TNRC6B: variants seen among roughly 807,000 people sequenced by gnomAD.
TNRC6B encodes trinucleotide repeat-containing gene 6B protein.
In TNRC6B, 52 loss-of-function variants were observed where a neutral mutation model predicts 203.6. The observed-to-expected ratio is 0.26, with a 90% CI of 0.20 to 0.32. The LOEUF is 0.32. TNRC6B is among the 10% of genes least tolerant of loss of function. The pLI is 1.00. For synonymous variants in TNRC6B, 838 were observed against 845.7 expected (o/e 0.99, Z 0.16); for missense variants, 1,923 against 2,286.2 (o/e 0.84, Z 3.24).
chr22:40,079,417 A>G lies in TNRC6B; in HGVS notation c.-121+34419A>G, dbSNP rs988917290. On this transcript the variant is annotated intron_variant, in intron 1 of 23. Coordinates refer to the TNRC6B transcript ENST00000301923. Reference sequence around the variant, plus strand: ...GAATGTAATGACCTGAATGTTGGTAAGCAAGCCCACATTAGTCTGCCACCA... The same window carrying G: ...GAATGTAATGACCTGAATGTTGGTAGGCAAGCCCACATTAGTCTGCCACCA... Among the ~76,000 whole-genome samples, 4 of 152,270 alleles carry G rather than the reference A, an allele frequency of 2.6e-5. No individual in the cohort carries two copies. In the East Asian group the frequency reaches 5.8e-4, roughly 22 times the overall value.
intron 1 of TNRC6B, among the ~76,000 whole-genome samples, chr22:40,073,749 A>C (rs2067976883): frequency 6.6e-6 from 1 of 151,996 alleles, no homozygotes; most frequent in Non-Finnish European, 1.5e-5. Context: ...CTTCATCTCT[A>C]CTAAAAATAC....
At chr22:40,272,461 C>T (rs2070577523) in intron 6 of TNRC6B, among the ~76,000 whole-genome samples, 1 of 152,220 alleles carries the variant, frequency 6.6e-6, no homozygotes, top group Non-Finnish European at 1.5e-5. Context: ...TTAAACTCTT[C>T]ATATAAAGCT....
intron 4 of TNRC6B, among the ~76,000 whole-genome samples, chr22:40,159,051 C>T (rs1379977104): frequency 1.3e-5 from 2 of 151,784 alleles, no homozygotes; most frequent in Non-Finnish European, 2.9e-5. Flanking sequence ...CAAGCTCCGC[C>T]TCCCGGGTTC....
At chr22:40,237,901 A>G (rs972333919) in intron 1 of TNRC6B, among the ~76,000 whole-genome samples, 5 of 151,738 alleles carry the variant, frequency 3.3e-5, no homozygotes, top group African/African-American at 1.2e-4. Context: ...TCTCCCATCT[A>G]GAATGTCAGC....
At chr22:40,108,240 G>A (rs1346124593) in intron 1 of TNRC6B, among the ~76,000 whole-genome samples, 1 of 152,170 alleles carries the variant, frequency 6.6e-6, no homozygotes, top group Non-Finnish European at 1.5e-5. Context: ...TCTAGAGAAT[G>A]TTGCCCAGGG....
At chr22:40,270,477 G>C (rs541391959) in intron 6 of TNRC6B, among the ~76,000 whole-genome samples, 197 bp downstream of exon 6, 1 of 151,822 alleles carries the variant, frequency 6.6e-6, no homozygotes. Flanking sequence ...CCGCCACCAC[G>C]CCCGGCTAAT....
At chr22:40,299,375 G>T (rs182881679) in intron 12 of TNRC6B, among the ~76,000 whole-genome samples, 53 of 152,162 alleles carry the variant, frequency 3.5e-4, no homozygotes, top group South Asian at 2.3e-3. Flanking sequence ...TAGTAGCTGG[G>T]ATTACAGGCA....
intron 1 of TNRC6B, among the ~76,000 whole-genome samples, chr22:40,100,067 ATTATTTATTTATTTATTTATTTAT>A (rs34836211): frequency 3.6e-5 from 4 of 112,026 alleles, no homozygotes; most frequent in Non-Finnish European, 7.7e-5. Context: ...TTTTATTTTT[ATTATTTATTTATTTATTTATTTAT>A]TTATTTATTT....
At chr22:40,249,939 G>A (rs545044439) in intron 2 of TNRC6B, among the ~76,000 whole-genome samples, 3 of 152,226 alleles carry the variant, frequency 2.0e-5, no homozygotes, top group Admixed American at 6.5e-5. Flanking sequence ...TTCTACAGGC[G>A]GATCCTTTAA....
chr22:40,153,593 T>C (rs2068781178), intron 3 of TNRC6B, among the ~76,000 whole-genome samples: 1 of 151,708 alleles, frequency 6.6e-6, no homozygotes, highest in Non-Finnish European at 1.5e-5. Context: ...TGGTAATTAT[T>C]AGTTCCAGGG....
At chr22:40,145,013 C>G (rs951471232) in intron 3 of TNRC6B, among the ~76,000 whole-genome samples, 3 of 146,882 alleles carry the variant, frequency 2.0e-5, no homozygotes, top group African/African-American at 7.7e-5. Flanking sequence ...TGGAGGATCA[C>G]TTCAGCCCAG....
chr22:40,281,379 G>A (rs1319346308), intron 11 of TNRC6B, 90 bp downstream of exon 11: 1 of 1,132,136 alleles, frequency 8.8e-7, no homozygotes, highest in Non-Finnish European at 1.2e-6. Flanking sequence ...TCTGTCTTGG[G>A]AAATTTGTTG....
At chr22:40,174,200 A>G (rs1445588406), upstream of TNRC6B, among the ~76,000 whole-genome samples, 2 of 147,132 alleles carry the variant, frequency 1.4e-5, no homozygotes, top group Non-Finnish European at 3.0e-5. Flanking sequence ...GTTTTGCTCT[A>G]TTGCCCCAGC....
chr22:40,125,881 G>T, intron 3 of TNRC6B: 1 of 1,607,760 alleles, frequency 6.2e-7, no homozygotes. Flanking sequence ...ATTACTGAAA[G>T]GTACAGTTTG....
chr22:40,204,829 T>TA (rs1181018611), intron 1 of TNRC6B, among the ~76,000 whole-genome samples: 3 of 152,232 alleles, frequency 2.0e-5, no homozygotes, highest in African/African-American at 7.2e-5. Context: ...ACTTGGTTTT[T>TA]ATAGTGATAC....
intron 9 of TNRC6B, 69 bp downstream of exon 9, chr22:40,278,113 C>A: frequency 8.1e-7 from 1 of 1,240,582 alleles, no homozygotes; most frequent in Non-Finnish European, 1.2e-6. Flanking sequence ...ATCTCCTGCC[C>A]AATTTGATTA....
chr22:40,261,109 C>G (rs2070375280), intron 3 of TNRC6B, among the ~76,000 whole-genome samples: 2 of 151,816 alleles, frequency 1.3e-5, no homozygotes, highest in South Asian at 4.2e-4. Flanking sequence ...CATGGCAAAA[C>G]CCTGTCTCTA....
At position 40,326,087 on chromosome 22, in the gene TNRC6B, G is replaced by A. The variant is rs2071398627; in HGVS notation, c.*2846G>A. 6.6e-6 allele frequency: 1 copy of A among 151,834 alleles called. No individual in the cohort carries two copies. The highest frequency in any genetic ancestry group is 6.6e-5 in the Admixed American group (1 of 15,228). 9.4% of individuals were successfully genotyped at this position (151,834 alleles called of 1,614,324 possible). A position where few individuals can be genotyped will look rare whatever the true frequency, so the allele number is the denominator to read the frequency against. ...CATATAAATATATATTTTAGATGAA[G>A]ACTAACTCTGGGAGCATTTAACAGT... is the stretch of plus-strand genomic sequence containing the variant. On this transcript the variant is annotated 3_prime_UTR_variant, in exon 23 of 23. Transcript: ENST00000454349.
At chr22:40,309,346 G>A (rs1211458208) in intron 16 of TNRC6B, among the ~76,000 whole-genome samples, 3 of 152,186 alleles carry the variant, frequency 2.0e-5, no homozygotes, top group East Asian at 1.9e-4. Context: ...ATAGGTGTCC[G>A]GCTGTTCCTG....
Sources: gnomAD v4.1 joint callset for allele counts (sites outside exome capture counted in the v4.1 genomes callset) on GRCh38, gnomAD v4.1.1 for gene constraint, MANE v1.5 for transcripts, NCBI Gene and HGNC (gene_info 2026-07-23, HGNC 2026-07-21) for gene names.